Variants in ARHGEF7 observed in about 807,000 individuals in gnomAD.
The protein encoded by ARHGEF7 is PAK-interacting exchange factor beta.
In ARHGEF7, 33 loss-of-function variants were observed where a neutral mutation model predicts 109.8. The observed-to-expected ratio is 0.30, with a 90% CI of 0.23 to 0.40. The LOEUF is 0.40. ARHGEF7 is among the 10% of genes least tolerant of loss of function. The pLI, the probability that ARHGEF7 is intolerant of heterozygous loss-of-function variation, is 1.00. For missense variants in ARHGEF7, 938 were observed against 1,098.5 expected, an observed-to-expected ratio of 0.85 and a Z score of 2.07; for synonymous variants, 458 against 424.6, an observed-to-expected ratio of 1.08 and a Z score of -0.97.
chr13:111,184,723 T>C (rs2079080710), intron 2 of ARHGEF7, among the ~76,000 whole-genome samples: 1 of 152,188 alleles, frequency 6.6e-6, no homozygotes, highest in Admixed American at 6.5e-5. Context: ...GGTGTGGCCT[T>C]GATGGGTTCT....
intron 2 of ARHGEF7, among the ~76,000 whole-genome samples, chr13:111,199,710 G>C (rs1411649555): frequency 6.6e-6 from 1 of 152,202 alleles, no homozygotes; most frequent in Non-Finnish European, 1.5e-5. Context: ...CAAAAATTAA[G>C]GCTGGAAGTT....
At chr13:111,268,770 C>A (rs1406075595) in intron 9 of ARHGEF7, among the ~76,000 whole-genome samples, 1 of 152,240 alleles carries the variant, frequency 6.6e-6, no homozygotes, top group Non-Finnish European at 1.5e-5. Flanking sequence ...TACAAGCATT[C>A]AAGCTAAAAC....
At chr13:111,119,529 T>C (rs1423358350) in intron 1 of ARHGEF7, among the ~76,000 whole-genome samples, 1 of 152,108 alleles carries the variant, frequency 6.6e-6, no homozygotes, top group African/African-American at 2.4e-5. Flanking sequence ...AGAGTCGTAA[T>C]GTCAGATATG....
intron 1 of ARHGEF7, 65 bp downstream of exon 1, chr13:111,115,756 G>A: frequency 1.0e-6 from 1 of 997,076 alleles, no homozygotes; most frequent in Non-Finnish European, 1.2e-6. Flanking sequence ...CGGGATGCGC[G>A]CGGAGCACCT....
intron 19 of ARHGEF7, 65 bp from the exon 20 acceptor site, chr13:111,300,683 T>C (rs2093544847): frequency 9.1e-7 from 1 of 1,101,952 alleles, no homozygotes; most frequent in Non-Finnish European, 1.3e-6. Flanking sequence ...TATAGTCAAG[T>C]TGTTTTTCTT....
intron 2 of ARHGEF7, among the ~76,000 whole-genome samples, chr13:111,174,584 C>T (rs1164265): frequency 0.015 from 2,315 of 152,280 alleles, 57 homozygotes; most frequent in African/African-American, 0.053. Flanking sequence ...TCTGGGCATA[C>T]GTGGCTTAGT....
At chr13:111,230,659 G>A (rs1321914335) in intron 5 of ARHGEF7, among the ~76,000 whole-genome samples, 1 of 152,136 alleles carries the variant, frequency 6.6e-6, no homozygotes, top group Non-Finnish European at 1.5e-5. Context: ...CCCACCTTGG[G>A]CGTTTGTGGA....
intron 2 of ARHGEF7, among the ~76,000 whole-genome samples, chr13:111,200,729 G>T (rs2081124007): frequency 6.6e-6 from 1 of 152,236 alleles, no homozygotes; most frequent in African/African-American, 2.4e-5. Context: ...CTGATACGTA[G>T]TCTGTATTTA....
intron 2 of ARHGEF7, among the ~76,000 whole-genome samples, chr13:111,193,462 A>G (rs1170483122): frequency 6.6e-6 from 1 of 152,240 alleles, no homozygotes; most frequent in Non-Finnish European, 1.5e-5. Context: ...GGGTTTTTGC[A>G]CTGCGTGCAA....
At chr13:111,282,867 G>A (rs1170267958) in intron 15 of ARHGEF7, 1 of 550,594 alleles carries the variant, frequency 1.8e-6, no homozygotes, top group Non-Finnish European at 3.2e-6. Flanking sequence ...GCTAGTGGAT[G>A]TCTTTTGAGT....
At chr13:111,152,427 A>G (rs1367497697) in intron 1 of ARHGEF7, among the ~76,000 whole-genome samples, 2 of 152,266 alleles carry the variant, frequency 1.3e-5, no homozygotes, top group Admixed American at 6.5e-5. Context: ...ATTAGGAAGC[A>G]GCTTTGCTTT....
In ARHGEF7 at chr13:111,305,474, A is replaced by T. The variant is rs2093632931; in HGVS notation, c.*2361A>T. 2 of 152,248 alleles carry T rather than the reference A, an allele frequency of 1.3e-5. No individual in the cohort carries two copies. Among genetic ancestry groups the T allele is most frequent in the Admixed American group, 1.3e-4 (2 of 15,288 alleles). The allele number at this position is 152,248 out of a possible 1,614,324, so 9.4% of individuals were successfully genotyped here. On this transcript the variant is annotated 3_prime_UTR_variant, in exon 22 of 22. Transcript: ENST00000646102. ...TTCAGCGATGTTGGAATGTAGCATC[A>T]GAAGCTCGTTCCTTCACACTCAGTG...
At chr13:111,173,222 A>T (rs1486635999) in intron 2 of ARHGEF7, among the ~76,000 whole-genome samples, 1 of 152,188 alleles carries the variant, frequency 6.6e-6, no homozygotes, top group Non-Finnish European at 1.5e-5. Flanking sequence ...GGGCAGAAAC[A>T]GCCTAGCCAT....
intron 19 of ARHGEF7, among the ~76,000 whole-genome samples, chr13:111,299,150 G>A (rs902195634): frequency 2.0e-5 from 3 of 152,090 alleles, no homozygotes; most frequent in African/African-American, 7.2e-5. Context: ...TTTTGCAGAC[G>A]CACAAGGGGC....
intron 13 of ARHGEF7, among the ~76,000 whole-genome samples, chr13:111,279,229 GT>G (rs2092654885): frequency 6.6e-6 from 1 of 152,164 alleles, no homozygotes. Context: ...CCACAGAAGT[GT>G]CCAGCAGTCT....
chr13:111,283,707 C>G (rs1267430537), intron 16 of ARHGEF7, among the ~76,000 whole-genome samples: 2 of 152,250 alleles, frequency 1.3e-5, no homozygotes, highest in African/African-American at 4.8e-5. Context: ...CGCTCAGCAT[C>G]TGCACGCTGT....
chr13:111,134,825 T>C (rs1487051838), intron 1 of ARHGEF7, among the ~76,000 whole-genome samples: 11 of 152,192 alleles, frequency 7.2e-5, no homozygotes, highest in Non-Finnish European at 4.4e-5. Flanking sequence ...ATTTTGGCTT[T>C]TGTTGCCATT....
chr13:111,233,369 T>A, intron 6 of ARHGEF7, 76 bp downstream of exon 6: 1 of 1,119,658 alleles, frequency 8.9e-7, no homozygotes, highest in Non-Finnish European at 1.4e-6. Flanking sequence ...GAATGTAGTG[T>A]AAAGTACCTA....
intron 2 of ARHGEF7, among the ~76,000 whole-genome samples, chr13:111,191,616 A>C (rs575499114): frequency 1.3e-4 from 20 of 152,302 alleles, no homozygotes; most frequent in Admixed American, 1.0e-3. Flanking sequence ...TACAAAGCCA[A>C]CAGTCATTTG....
Sources: allele counts gnomAD v4.1 joint callset (sites outside exome capture counted in the v4.1 genomes callset), GRCh38; gene constraint gnomAD v4.1.1; transcripts MANE v1.5; gene names NCBI Gene and HGNC (gene_info 2026-07-23, HGNC 2026-07-21).